Variants in FGF13 observed in about 807,000 individuals in gnomAD.
The protein encoded by FGF13 is fibroblast growth factor 13, also known as fibroblast growth factor homologous factor 2.
In FGF13, 2 loss-of-function variants were observed where a neutral mutation model predicts 19.5. The ratio of observed to expected loss-of-function variants is 0.10; its 90% CI spans 0.04 to 0.32. The LOEUF (loss-of-function observed/expected upper bound fraction) is 0.32. Among genes scored for constraint, FGF13 ranks in the 10% least tolerant of loss-of-function variants. The pLI is 1.00. For synonymous variants in FGF13, 72 were observed against 76.9 expected (o/e 0.94, Z 0.33); for missense variants, 113 against 192.7 (o/e 0.59, Z 2.45).
At chrX:138,969,719 T>C (rs973149889) in intron 1 of FGF13, among the ~76,000 whole-genome samples, 4 of 111,534 alleles carry the variant, frequency 3.6e-5, no homozygotes, top group Non-Finnish European at 7.5e-5. Context: ...GAGCTTGTCA[T>C]TGCCTCCCGT....
intron 3 of FGF13, among the ~76,000 whole-genome samples, chrX:138,843,474 G>A (rs1229058006): frequency 8.9e-6 from 1 of 112,114 alleles, no homozygotes; most frequent in East Asian, 2.8e-4. Flanking sequence ...AAAATGGAAT[G>A]CTGCTAGAGG....
At chrX:139,172,430 A>G (rs760145796) in intron 1 of FGF13, among the ~76,000 whole-genome samples, 2 of 111,125 alleles carry the variant, frequency 1.8e-5, no homozygotes, top group South Asian at 7.6e-4. Context: ...ATTGGCTTAC[A>G]CTTTCCATTT....
At chrX:139,120,783 C>T (rs1052319055) in intron 1 of FGF13, among the ~76,000 whole-genome samples, 1 of 113,009 alleles carries the variant, frequency 8.8e-6, no homozygotes, top group Non-Finnish European at 1.9e-5. Context: ...CGCCTTCAGG[C>T]ACTGTGGGCT....
chrX:138,961,671 C>G (rs912502785), intron 1 of FGF13, among the ~76,000 whole-genome samples: 1 of 111,588 alleles, frequency 9.0e-6, no homozygotes, highest in African/African-American at 3.3e-5. Context: ...CAGAACAGAG[C>G]CCTCAGAAAT....
intron 1 of FGF13, among the ~76,000 whole-genome samples, chrX:139,028,795 A>G (rs1015899107): frequency 1.8e-5 from 2 of 109,867 alleles, no homozygotes; most frequent in African/African-American, 6.6e-5. Context: ...TTCTGCTTTA[A>G]TCTGTTTTAT....
At chrX:138,967,551 C>T (rs1409467098) in intron 1 of FGF13, among the ~76,000 whole-genome samples, 1 of 110,787 alleles carries the variant, frequency 9.0e-6, no homozygotes, top group Non-Finnish European at 1.9e-5. Flanking sequence ...CAAAGAAAGG[C>T]AGTGGATAAA....
intron 3 of FGF13, among the ~76,000 whole-genome samples, chrX:138,817,866 A>G (rs1419230338): frequency 8.9e-6 from 1 of 112,341 alleles, no homozygotes; most frequent in Non-Finnish European, 1.9e-5. Flanking sequence ...TTTGTGGGCC[A>G]TATGGTCTCT....
chrX:138,855,731 T>C (rs183670821), downstream of FGF13, among the ~76,000 whole-genome samples: 2 of 111,949 alleles, frequency 1.8e-5, no homozygotes, highest in East Asian at 5.6e-4. Flanking sequence ...TTCATAACAG[T>C]ATTTACAATA....
At chrX:139,076,150 A>C (rs985761391) in intron 1 of FGF13, among the ~76,000 whole-genome samples, 11 of 111,531 alleles carry the variant, frequency 9.9e-5, no homozygotes, top group African/African-American at 3.3e-4. Context: ...GCATGACGAT[A>C]GCCTTCCCCA....
intron 1 of FGF13, among the ~76,000 whole-genome samples, chrX:138,934,705 C>T (rs1246032899): frequency 8.9e-6 from 1 of 112,167 alleles, no homozygotes. Context: ...GGGAATAAAT[C>T]GTAGGGGCCC....
chrX:138,626,926 T>A lies in FGF13; in HGVS notation c.*5924A>T. 8.9e-6 allele frequency: 1 copy of A among 112,276 alleles called. No homozygotes were observed. Among genetic ancestry groups the A allele is most frequent in the East Asian group, 2.8e-4 (1 of 3,587 alleles). The allele number at this position is 112,276 out of a possible 1,213,427, so 9.3% of individuals were successfully genotyped here. A position where few individuals can be genotyped will look rare whatever the true frequency, so the allele number is the denominator to read the frequency against. ...TATAGTATAGCCAGACTTGGAGAAC[T>A]AATTCATTCTGGTTTTGAAATTTTC... is the stretch of plus-strand genomic sequence containing the variant. On this transcript the variant is annotated 3_prime_UTR_variant, in exon 5 of 5. Transcript: ENST00000315930.
chrX:138,751,180 A>C (rs962706824), intron 3 of FGF13, among the ~76,000 whole-genome samples: 1 of 111,087 alleles, frequency 9.0e-6, no homozygotes, highest in African/African-American at 3.3e-5. Context: ...TGAGGAAAGA[A>C]AAGGAGGTGA....
intron 1 of FGF13, among the ~76,000 whole-genome samples, chrX:138,937,818 T>TA (rs2091739394): frequency 1.8e-5 from 2 of 112,073 alleles, no homozygotes; most frequent in Non-Finnish European, 3.8e-5. Context: ...TATTCTGCTT[T>TA]AGAGAGAAGA....
intron 1 of FGF13, among the ~76,000 whole-genome samples, chrX:138,872,094 T>C (rs2091360857): frequency 8.9e-6 from 1 of 111,888 alleles, no homozygotes; most frequent in African/African-American, 3.2e-5. Flanking sequence ...GGCAGTTGTG[T>C]AGTTGGGAAG....
At chrX:138,841,930 C>A (rs2091152326) in intron 3 of FGF13, among the ~76,000 whole-genome samples, 1 of 111,775 alleles carries the variant, frequency 8.9e-6, no homozygotes, top group African/African-American at 3.3e-5. Context: ...CTGAGTGAAG[C>A]AACTAGCCCA....
At position 138,896,012 on chromosome X, in the gene FGF13, C is replaced by T. The variant is rs974557540; in HGVS notation, c.-112-31362G>A. 2.5e-4 allele frequency among the ~76,000 whole-genome samples: 28 copies of T among 111,882 alleles called. No individual in the cohort carries two copies. The Admixed American group carries it at 2.7e-3, about 11-fold the overall frequency. ...GTTGGGGATGGAAGAAGGTCTTGAACTCCTGGGCTCAAAGGGTACAAAGAT... is the reference window on the plus strand; with the variant it reads ...GTTGGGGATGGAAGAAGGTCTTGAATTCCTGGGCTCAAAGGGTACAAAGAT... On this transcript the variant is annotated intron_variant, in intron 1 of 2. Transcript: ENST00000421460.
At chrX:138,971,867 C>T in intron 1 of FGF13, among the ~76,000 whole-genome samples, 1 of 111,706 alleles carries the variant, frequency 9.0e-6, no homozygotes, top group East Asian at 2.8e-4. Flanking sequence ...AGTGGTTACC[C>T]AAGTCTTGGT....
intron 1 of FGF13, among the ~76,000 whole-genome samples, chrX:138,872,069 G>C (rs2091360599): frequency 8.9e-6 from 1 of 112,152 alleles, no homozygotes; most frequent in Non-Finnish European, 1.9e-5. Flanking sequence ...ACAGGTGACA[G>C]TAGTTAGGAC....
At chrX:138,734,028 G>T (rs1226222256) in intron 1 of FGF13, among the ~76,000 whole-genome samples, 1 of 111,562 alleles carries the variant, frequency 9.0e-6, no homozygotes, top group Non-Finnish European at 1.9e-5. Context: ...TGGGGGAAAA[G>T]GACCAAAAGG....
Sources: gnomAD v4.1 joint callset for allele counts (sites outside exome capture counted in the v4.1 genomes callset) on GRCh38, gnomAD v4.1.1 for gene constraint, MANE v1.5 for transcripts, NCBI Gene and HGNC (gene_info 2026-07-23, HGNC 2026-07-21) for gene names.